FSIP1: variants seen among roughly 807,000 people sequenced by gnomAD.
The protein encoded by FSIP1 is fibrous sheath interacting protein 1.
A neutral mutation model predicts 60.9 loss-of-function variants in FSIP1; 65 were observed. That is an observed-to-expected ratio of 1.07 (90% CI 0.87 to 1.31). The LOEUF (loss-of-function observed/expected upper bound fraction) is 1.31, where lower values mean the gene tolerates loss of function less well. Among genes scored for constraint, FSIP1 ranks in the 40% most tolerant of loss-of-function variants. The probability of loss-of-function intolerance (pLI) is 0.00; values close to 1 mark genes in which losing one functional copy is unlikely to be tolerated. For synonymous variants in FSIP1, 209 were observed against 221.2 expected (o/e 0.94, Z 0.49); for missense variants, 675 against 665.5 (o/e 1.01, Z -0.16).
chr15:39,765,241 CTTTTTT>C (rs71132116), intron 4 of FSIP1, among the ~76,000 whole-genome samples: 1 of 115,172 alleles, frequency 8.7e-6, no homozygotes, highest in East Asian at 2.5e-4. Context: ...GAAATTCTTT[CTTTTTT>C]TTTTTTTTTT....
At chr15:39,639,246 G>A (rs774092645) in intron 10 of FSIP1, among the ~76,000 whole-genome samples, 6 of 152,058 alleles carry the variant, frequency 3.9e-5, no homozygotes, top group Non-Finnish European at 8.8e-5. Flanking sequence ...GAGTCCAGAG[G>A]AATTTAAGAG....
intron 9 of FSIP1, among the ~76,000 whole-genome samples, chr15:39,720,640 G>A (rs73395252): frequency 6.6e-6 from 1 of 152,146 alleles, no homozygotes; most frequent in Non-Finnish European, 1.5e-5. Flanking sequence ...TTAAGAAACT[G>A]AATGCTTACA....
intron 11 of FSIP1, among the ~76,000 whole-genome samples, chr15:39,604,377 G>A (rs1890749725): frequency 6.6e-6 from 1 of 152,174 alleles, no homozygotes; most frequent in Admixed American, 6.5e-5. Flanking sequence ...TCCAATAACT[G>A]ATAAAGTGAT....
In FSIP1 at chr15:39,606,531, A is replaced by G. The variant is rs142016072; in HGVS notation, c.1700-5605T>C. Among the ~76,000 whole-genome samples, 322 of 152,308 alleles carry G rather than the reference A, an allele frequency of 2.1e-3. 4 individuals carry two copies. Among genetic ancestry groups the G allele is most frequent in the African/African-American group, 7.5e-3 (310 of 41,568 alleles). On this transcript the variant is annotated intron_variant, in intron 11 of 11. Transcript: ENST00000350221. ...TTATTGTTGACTATAGTCACCCTAC[A>G]GTGCTATAGACTATTAGAACTTATT... is the stretch of plus-strand genomic sequence containing the variant.
intron 2 of FSIP1, among the ~76,000 whole-genome samples, chr15:39,774,355 T>C (rs919248494): frequency 1.3e-5 from 2 of 151,968 alleles, no homozygotes; most frequent in African/African-American, 4.8e-5. Flanking sequence ...TATTGGTGTG[T>C]GCCTGTAGCC....
At chr15:39,739,878 G>A (rs1314214196) in intron 6 of FSIP1, 89 bp from the exon 7 acceptor site, 9 of 731,928 alleles carry the variant, frequency 1.2e-5, no homozygotes, top group Non-Finnish European at 1.9e-5. Flanking sequence ...AAATATATAA[G>A]AACTAAAACA....
intron 10 of FSIP1, among the ~76,000 whole-genome samples, chr15:39,620,196 A>C (rs1891390704): frequency 6.6e-6 from 1 of 152,232 alleles, no homozygotes; most frequent in Non-Finnish European, 1.5e-5. Flanking sequence ...TAGGCTAATA[A>C]TTGCTTCTGC....
intron 11 of FSIP1, among the ~76,000 whole-genome samples, chr15:39,610,574 G>T (rs1383739503): frequency 6.6e-6 from 1 of 152,198 alleles, no homozygotes; most frequent in Non-Finnish European, 1.5e-5. Flanking sequence ...GCTGAGGCAG[G>T]AGAATCGCTT....
In FSIP1 at chr15:39,751,914, T is replaced by C. The variant is rs186508770; in HGVS notation, c.560-10014A>G. ...GTAACCATTTTACCATATATATTTATAGATATATGTATCTCATATCATGTT... is the reference window on the plus strand; with the variant it reads ...GTAACCATTTTACCATATATATTTACAGATATATGTATCTCATATCATGTT... On this transcript the variant is annotated intron_variant, in intron 5 of 11. Coordinates refer to ENST00000350221, the MANE Select transcript of FSIP1 (RefSeq NM_152597.5). 3.0e-4 allele frequency among the ~76,000 whole-genome samples: 45 copies of C among 152,102 alleles called. 1 individual carries two copies. In the East Asian group the frequency reaches 6.9e-3, roughly 23 times the overall value.
chr15:39,720,750 T>C (rs751243515), intron 9 of FSIP1, among the ~76,000 whole-genome samples: 8 of 150,282 alleles, frequency 5.3e-5, no homozygotes, highest in Non-Finnish European at 1.0e-4. Flanking sequence ...CTCAGTTTTA[T>C]GGTGGGATTT....
downstream of FSIP1, chr15:39,599,415 A>G (rs540440407): frequency 6.6e-6 from 1 of 152,316 alleles, no homozygotes; most frequent in East Asian, 1.9e-4. Context: ...CATTGGCAGA[A>G]GCAAACTATA....
intron 10 of FSIP1, among the ~76,000 whole-genome samples, chr15:39,658,514 T>C (rs913616619): frequency 6.6e-6 from 1 of 152,130 alleles, no homozygotes; most frequent in Non-Finnish European, 1.5e-5. Flanking sequence ...CCTCCCAAAG[T>C]GCTGGGATTA....
chr15:39,692,374 A>G (rs1894637588), intron 10 of FSIP1, among the ~76,000 whole-genome samples: 1 of 152,268 alleles, frequency 6.6e-6, no homozygotes. Context: ...TTGTCAGTTC[A>G]CATCCCAAAA....
Position 39,623,031 on chromosome 15 carries a change from C to T in FSIP1, c.1189-4786G>A, listed in dbSNP as rs190786498. Among the ~76,000 whole-genome samples, 3 of 151,698 alleles carry T rather than the reference C, an allele frequency of 2.0e-5. No homozygotes were observed. The East Asian group carries it at 5.8e-4, about 29-fold the overall frequency. On this transcript the variant is annotated intron_variant, in intron 10 of 11. Transcript: ENST00000350221. Reference sequence around the variant, plus strand: ...TTTTAGCTCATTAAAAAAAAAAACCCAGCCACAGCTCCATTCCCAGGATAC... The same window carrying T: ...TTTTAGCTCATTAAAAAAAAAAACCTAGCCACAGCTCCATTCCCAGGATAC...
At chr15:39,658,084 C>T (rs11638727) in intron 10 of FSIP1, among the ~76,000 whole-genome samples, 113,758 of 151,938 alleles carry the variant, frequency 0.75, 43,968 homozygotes, top group Non-Finnish European at 0.87. Context: ...CTTTCCACAA[C>T]TTTTAATATT....
At chr15:39,602,430 C>T (rs1307008742) in intron 11 of FSIP1, 6 of 453,078 alleles carry the variant, frequency 1.3e-5, no homozygotes, top group Non-Finnish European at 2.7e-5. Context: ...AAATTTCTGT[C>T]ATGGTAAGTT....
chr15:39,652,782 G>A lies in FSIP1; in HGVS notation c.1189-34537C>T, dbSNP rs144935279. Among the ~76,000 whole-genome samples, 156 of 152,244 alleles carry A rather than the reference G, an allele frequency of 1.0e-3. 1 individual carries two copies. The East Asian group carries it at 0.011, about 11-fold the overall frequency. ...CCTATTGCTCCTAGGCTACAAACCC[G>A]TACAGCATGTTACTGCATTGATTAC... On this transcript the variant is annotated intron_variant, in intron 10 of 11. Coordinates refer to ENST00000350221, the MANE Select transcript of FSIP1 (RefSeq NM_152597.5).
At position 39,600,080 on chromosome 15, in the gene FSIP1, C is replaced by T. The variant is rs1004374474; in HGVS notation, c.*800G>A. 6.6e-6 allele frequency: 1 copy of T among 152,188 alleles called. No individual in the cohort carries two copies. Among genetic ancestry groups the T allele is most frequent in the Non-Finnish European group, 1.5e-5 (1 of 68,024 alleles). The allele number at this position is 152,188 out of a possible 1,614,324, so 9.4% of individuals were successfully genotyped here. ...ATTAAAGGCAGCACAATAGCCCGCT[C>T]ATTTTTTGATTCAGAAATAAACTGG... On this transcript the variant is annotated 3_prime_UTR_variant, in exon 12 of 12. Transcript: ENST00000350221.
At chr15:39,746,983 T>C (rs1024834612) in intron 5 of FSIP1, among the ~76,000 whole-genome samples, 1 of 144,320 alleles carries the variant, frequency 6.9e-6, no homozygotes, top group African/African-American at 2.7e-5. Flanking sequence ...TAGACCCTAA[T>C]GGTTTTCCTG....
Sources: allele counts gnomAD v4.1 joint callset (sites outside exome capture counted in the v4.1 genomes callset), GRCh38; gene constraint gnomAD v4.1.1; transcripts MANE v1.5; gene names NCBI Gene and HGNC (gene_info 2026-07-23, HGNC 2026-07-21).